The following ZNF438 variants were observed in gnomAD, a reference collection of about 807,000 sequenced individuals.
ZNF438 encodes the protein zinc finger protein 438.
A neutral mutation model predicts 38.0 loss-of-function variants in ZNF438; 25 were observed. The observed-to-expected ratio is 0.66, with a 90% confidence interval of 0.48 to 0.92. The LOEUF is 0.92. ZNF438 is among the 40% of genes least tolerant of loss of function. The pLI is 0.00. For synonymous variants in ZNF438, 372 were observed against 364.1 expected (o/e 1.02, Z -0.25); for missense variants, 1,007 against 999.6 (o/e 1.01, Z -0.10).
At chr10:30,952,163 T>G (rs2048287166) in intron 1 of ZNF438, among the ~76,000 whole-genome samples, 2 of 151,730 alleles carry the variant, frequency 1.3e-5, no homozygotes, top group Admixed American at 1.3e-4. Context: ...GGATTCCCTA[T>G]TTAATAAATG....
intron 1 of ZNF438, among the ~76,000 whole-genome samples, chr10:31,027,620 A>G (rs2057026299): frequency 6.6e-6 from 1 of 152,188 alleles, no homozygotes; most frequent in Non-Finnish European, 1.5e-5. Context: ...ATTTTACTTT[A>G]TACCATATAT....
chr10:30,913,470 C>G (rs1266856429), intron 2 of ZNF438, among the ~76,000 whole-genome samples: 1 of 152,050 alleles, frequency 6.6e-6, no homozygotes, highest in African/African-American at 2.4e-5. Flanking sequence ...ATTCATCCAT[C>G]AGATTTTTGC....
At chr10:30,886,871 C>T (rs531776083) in intron 3 of ZNF438, among the ~76,000 whole-genome samples, 1 of 152,292 alleles carries the variant, frequency 6.6e-6, no homozygotes, top group Admixed American at 6.5e-5. Context: ...ATGCACCCCA[C>T]TTTAAGATGA....
chr10:31,031,892 G>C (rs952531352), exon 1 of ZNF438: 1 of 152,364 alleles, frequency 6.6e-6, no homozygotes, highest in Non-Finnish European at 1.5e-5. Flanking sequence ...CAGTCGGGGA[G>C]GTCAAGCCAC....
intron 5 of ZNF438, among the ~76,000 whole-genome samples, chr10:30,846,504 A>G (rs2032140646): frequency 6.6e-6 from 1 of 152,208 alleles, no homozygotes; most frequent in Admixed American, 6.5e-5. Context: ...TAGGGCATGC[A>G]GGAGTGGGTA....
At chr10:30,977,931 G>A (rs537182221) in intron 1 of ZNF438, among the ~76,000 whole-genome samples, 4 of 151,230 alleles carry the variant, frequency 2.6e-5, no homozygotes, top group South Asian at 4.2e-4. Context: ...GCAGTGCACC[G>A]AGATCGTGCC....
chr10:30,897,571 C>T (rs138556268), intron 3 of ZNF438, among the ~76,000 whole-genome samples: 218 of 152,350 alleles, frequency 1.4e-3, no homozygotes, highest in Non-Finnish European at 2.3e-3. Flanking sequence ...ACTCCCCAGG[C>T]TCTGGCATTA....
At chr10:30,902,096 A>G (rs2042072338) in intron 3 of ZNF438, among the ~76,000 whole-genome samples, 1 of 152,140 alleles carries the variant, frequency 6.6e-6, no homozygotes, top group Admixed American at 6.5e-5. Flanking sequence ...CATAGAGCGA[A>G]AGAACAAAGC....
At chr10:30,903,685 A>T (rs555688095) in intron 3 of ZNF438, among the ~76,000 whole-genome samples, 20 of 152,310 alleles carry the variant, frequency 1.3e-4, no homozygotes, top group African/African-American at 4.6e-4. Flanking sequence ...CCTTTTGAGT[A>T]TTTAAAAAAT....
chr10:30,958,573 A>G (rs1440108606), intron 1 of ZNF438, among the ~76,000 whole-genome samples: 2 of 146,910 alleles, frequency 1.4e-5, no homozygotes, highest in African/African-American at 4.9e-5. Context: ...ATGCCATAAA[A>G]TTAATCATTG....
rs1020315475 is a variant in ZNF438, at chr10:30,858,460, T to C, written c.38-8093A>G. Among the ~76,000 whole-genome samples, 4 of 152,176 alleles carry C rather than the reference T, an allele frequency of 2.6e-5. No homozygotes were observed. The East Asian group carries it at 7.7e-4, about 29-fold the overall frequency. On this transcript the variant is annotated intron_variant, in intron 4 of 5. Coordinates refer to ENST00000413025, the Ensembl canonical transcript of ZNF438. The stretch of plus-strand genomic sequence containing the variant: ...AAAAACCTATAAACACCTTTAGCCA[T>C]TGCCTACCCTCTCCCCAAGCTACTG...
chr10:30,849,815 C>A, exon 5 of ZNF438: 1 of 1,614,136 alleles, frequency 6.2e-7, no homozygotes, highest in Non-Finnish European at 8.5e-7. Flanking sequence ...ATGGTCACTT[C>A]CATTGGTCAG....
chr10:31,025,534 G>A (rs1751426608), intron 1 of ZNF438, among the ~76,000 whole-genome samples: 1 of 152,128 alleles, frequency 6.6e-6, no homozygotes, highest in Non-Finnish European at 1.5e-5. Context: ...TAATAGCTTT[G>A]CAATTGAAGA....
chr10:31,009,096 A>T (rs780103612), intron 1 of ZNF438, among the ~76,000 whole-genome samples: 1 of 152,180 alleles, frequency 6.6e-6, no homozygotes, highest in African/African-American at 2.4e-5. Flanking sequence ...GCCCATTTTA[A>T]TGGGGTATTT....
At chr10:31,020,495 T>C (rs747717580) in intron 1 of ZNF438, among the ~76,000 whole-genome samples, 1 of 152,188 alleles carries the variant, frequency 6.6e-6, no homozygotes, top group Non-Finnish European at 1.5e-5. Flanking sequence ...TATGGGTACT[T>C]GGCGTCAGTT....
intron 2 of ZNF438, among the ~76,000 whole-genome samples, chr10:30,914,022 T>G (rs761396505): frequency 3.9e-5 from 6 of 152,132 alleles, no homozygotes; most frequent in Non-Finnish European, 8.8e-5. Flanking sequence ...TAAACTGATA[T>G]TTTGCATTAT....
At chr10:30,853,454 G>A (rs555458382) in intron 4 of ZNF438, among the ~76,000 whole-genome samples, 1 of 152,146 alleles carries the variant, frequency 6.6e-6, no homozygotes, top group African/African-American at 2.4e-5. Context: ...CAGCCATGGT[G>A]GCCTCTTTGC....
intron 1 of ZNF438, among the ~76,000 whole-genome samples, chr10:30,987,146 C>T (rs1211043035): frequency 6.6e-6 from 1 of 151,966 alleles, no homozygotes; most frequent in Non-Finnish European, 1.5e-5. Flanking sequence ...TTTATACACA[C>T]ACACAGGGTT....
At chr10:30,913,529 C>T (rs2043283563) in intron 2 of ZNF438, among the ~76,000 whole-genome samples, 2 of 152,072 alleles carry the variant, frequency 1.3e-5, no homozygotes, top group African/African-American at 4.8e-5. Context: ...CCAGATGAAG[C>T]CAAATACTTT....
Sources: gnomAD v4.1 joint callset for allele counts (sites outside exome capture counted in the v4.1 genomes callset) on GRCh38, gnomAD v4.1.1 for gene constraint, MANE v1.5 for transcripts, NCBI Gene and HGNC (gene_info 2026-07-23, HGNC 2026-07-21) for gene names.